Variants in CCDC178 observed in about 807,000 individuals in gnomAD.
CCDC178 encodes coiled-coil domain containing 178.
In CCDC178, 126 loss-of-function variants were observed where a neutral mutation model predicts 117.4. The ratio of observed to expected loss-of-function variants is 1.07; its 90% CI spans 0.93 to 1.24. CCDC178 has a LOEUF of 1.24. Ranked by LOEUF, CCDC178 falls within the 50% of genes most tolerant of loss-of-function variation. The pLI is 0.00. For missense variants in CCDC178, 1,030 were observed against 986.9 expected (o/e 1.04, Z -0.59); for synonymous variants, 283 against 313.4 (o/e 0.90, Z 1.02).
At chr18:32,978,203 A>ATTTT (rs34863142) in intron 21 of CCDC178, among the ~76,000 whole-genome samples, 2,035 of 89,896 alleles carry the variant, frequency 0.023, 42 homozygotes, top group East Asian at 0.038. Flanking sequence ...CTCAAAAAAG[A>ATTTT]TTTTTTTTTT....
At chr18:33,091,596 C>T (rs1010074744) in intron 21 of CCDC178, among the ~76,000 whole-genome samples, 5 of 151,828 alleles carry the variant, frequency 3.3e-5, no homozygotes, top group Non-Finnish European at 7.4e-5. Context: ...CTTAGCCTCC[C>T]AAACACTTGT....
chr18:33,419,759 G>A (rs1455889622), intron 2 of CCDC178, among the ~76,000 whole-genome samples: 1 of 152,126 alleles, frequency 6.6e-6, no homozygotes, highest in African/African-American at 2.4e-5. Context: ...CAGTCAGAAT[G>A]GCCATTAAAA....
At chr18:33,081,569 A>T (rs1202229903) in intron 21 of CCDC178, among the ~76,000 whole-genome samples, 1 of 152,144 alleles carries the variant, frequency 6.6e-6, no homozygotes. Flanking sequence ...TACAGATAAC[A>T]TTTTTGCTCT....
intron 20 of CCDC178, among the ~76,000 whole-genome samples, chr18:33,145,897 T>G (rs1234436617): frequency 6.6e-6 from 1 of 152,192 alleles, no homozygotes; most frequent in Non-Finnish European, 1.5e-5. Flanking sequence ...AGATATAGTC[T>G]TACATCCTGG....
chr18:33,009,342 A>C (rs1030942555), intron 21 of CCDC178, among the ~76,000 whole-genome samples: 1 of 152,110 alleles, frequency 6.6e-6, no homozygotes, highest in Non-Finnish European at 1.5e-5. Flanking sequence ...GCTCACTCTA[A>C]GGAAAAGACA....
chr18:33,132,927 G>T (rs2058083587), intron 20 of CCDC178, among the ~76,000 whole-genome samples: 1 of 151,740 alleles, frequency 6.6e-6, no homozygotes, highest in Non-Finnish European at 1.5e-5. Flanking sequence ...AACCCTAAAA[G>T]TTGTTAAAGG....
chr18:33,392,011 G>A (rs1237774724), intron 4 of CCDC178, among the ~76,000 whole-genome samples: 1 of 151,890 alleles, frequency 6.6e-6, no homozygotes, highest in African/African-American at 2.4e-5. Flanking sequence ...CTACAGGAGT[G>A]CGCCACCATG....
rs79938258 is a variant in CCDC178, at chr18:33,365,495, A to G, written c.348+4555T>C. Among the ~76,000 whole-genome samples, 244 of 152,224 alleles carry G rather than the reference A, an allele frequency of 1.6e-3. 6 individuals are homozygous for G. The East Asian group carries it at 0.042, about 26-fold the overall frequency. On this transcript the variant is annotated intron_variant, in intron 6 of 22. Coordinates refer to ENST00000383096, the MANE Select transcript of CCDC178 (RefSeq NM_001105528.4). ...TCTGAAATCATTTTCCTCATCTGCA[A>G]CTGGAAATAATGGCAGTTTCTATCT...
intron 2 of CCDC178, among the ~76,000 whole-genome samples, chr18:33,412,910 T>C (rs2063879267): frequency 6.6e-6 from 1 of 152,160 alleles, no homozygotes; most frequent in Non-Finnish European, 1.5e-5. Flanking sequence ...GTACTTTTTT[T>C]CTCCCTGTAC....
At position 33,310,210 on chromosome 18, in the gene CCDC178, C is replaced by T. The variant is rs533441801; in HGVS notation, c.1022+13281G>A. 2.4e-3 allele frequency among the ~76,000 whole-genome samples: 362 copies of T among 152,178 alleles called. 2 individuals are homozygous for T. The highest frequency in any genetic ancestry group is 0.01 in the South Asian group (50 of 4,826). On this transcript the variant is annotated intron_variant, in intron 11 of 22. Transcript: ENST00000383096. ...TCCTGACCTCATGATCCACCCACCT[C>T]GGCCTCCCAAAATGCTGGGATTACA...
intron 18 of CCDC178, among the ~76,000 whole-genome samples, chr18:33,219,913 A>C (rs1052295366): frequency 1.1e-4 from 16 of 152,030 alleles, no homozygotes; most frequent in Admixed American, 6.6e-4. Flanking sequence ...CTAGAACTTA[A>C]AGTATAATAA....
intron 5 of CCDC178, among the ~76,000 whole-genome samples, chr18:33,377,718 T>A (rs1305688336): frequency 1.3e-4 from 20 of 152,198 alleles, no homozygotes; most frequent in Non-Finnish European, 1.5e-5. Context: ...CTTTCCCCAT[T>A]GCTTATGTTT....
intron 20 of CCDC178, among the ~76,000 whole-genome samples, chr18:33,117,148 C>CA (rs1454069407): frequency 2.0e-5 from 3 of 151,856 alleles, no homozygotes; most frequent in African/African-American, 7.3e-5. Flanking sequence ...TCTTAATGGG[C>CA]AAAAAATGAA....
chr18:32,975,806 A>G lies in CCDC178; in HGVS notation c.2389-1125T>C, dbSNP rs368442587. Among the ~76,000 whole-genome samples the G allele has an allele frequency of 7.2e-5, 11 of 152,234 alleles. No homozygotes were observed. The South Asian group carries it at 2.3e-3, about 32-fold the overall frequency. ...TATATTAAATACTTCCTCATACCAG[A>G]GTAAAAACATGTGAAAAATGTGGCT... On this transcript the variant is annotated intron_variant, in intron 21 of 22. Transcript: ENST00000383096.
At chr18:33,332,013 A>T (rs2062675996) in intron 10 of CCDC178, among the ~76,000 whole-genome samples, 2 of 152,228 alleles carry the variant, frequency 1.3e-5, no homozygotes, top group African/African-American at 4.8e-5. Flanking sequence ...GTAAGTAATT[A>T]CATTGTGAAA....
chr18:33,033,031 T>C (rs529858810), intron 21 of CCDC178, among the ~76,000 whole-genome samples: 20 of 152,226 alleles, frequency 1.3e-4, no homozygotes, highest in African/African-American at 4.8e-4. Context: ...TCCCTGTTAC[T>C]CTTCACATAC....
chr18:33,133,143 G>C (rs946864966), intron 20 of CCDC178, among the ~76,000 whole-genome samples: 1 of 151,752 alleles, frequency 6.6e-6, no homozygotes, highest in African/African-American at 2.4e-5. Context: ...TGCTATTATA[G>C]GGAATTCAGA....
At chr18:33,234,027 T>G (rs2059398415) in intron 15 of CCDC178, among the ~76,000 whole-genome samples, 1 of 152,180 alleles carries the variant, frequency 6.6e-6, no homozygotes, top group African/African-American at 2.4e-5. Flanking sequence ...AAGGAAATTA[T>G]GTTCCCATAT....
chr18:33,047,757 C>T (rs889016827), intron 21 of CCDC178, among the ~76,000 whole-genome samples: 3 of 152,154 alleles, frequency 2.0e-5, no homozygotes, highest in Admixed American at 2.0e-4. Flanking sequence ...AGCCCTAATG[C>T]TAAACTGGGT....
Sources: gnomAD v4.1 joint callset for allele counts (sites outside exome capture counted in the v4.1 genomes callset) on GRCh38, gnomAD v4.1.1 for gene constraint, MANE v1.5 for transcripts, NCBI Gene and HGNC (gene_info 2026-07-23, HGNC 2026-07-21) for gene names.